The following TRIP10 variants were observed in gnomAD, a reference collection of about 807,000 sequenced individuals.
The protein encoded by TRIP10 is thyroid hormone receptor interactor 10.
TRIP10 carries 54 observed loss-of-function variants against 80.9 expected under a neutral mutation model. The ratio of observed to expected loss-of-function variants is 0.67; its 90% CI spans 0.54 to 0.84. TRIP10 has a LOEUF of 0.84. Ranked by LOEUF, TRIP10 falls within the 40% of genes least tolerant of loss-of-function variation. The probability of loss-of-function intolerance (pLI) is 0.00; values close to 1 mark genes in which losing one functional copy is unlikely to be tolerated. For missense variants in TRIP10, 773 were observed against 815.3 expected, an observed-to-expected ratio of 0.95 and a Z score of 0.63; for synonymous variants, 321 against 307.2, an observed-to-expected ratio of 1.04 and a Z score of -0.47.
chr19:6,741,201 C>A (rs757124398), intron 2 of TRIP10, 24 bp from the exon 3 acceptor site: 1 of 1,612,936 alleles, frequency 6.2e-7, no homozygotes, highest in East Asian at 2.2e-5. Context: ...CGGGCTCAGC[C>A]CTCCTACCTC....
chr19:6,750,706 C>CT, intron 14 of TRIP10, 73 bp downstream of exon 14: 1 of 1,586,640 alleles, frequency 6.3e-7, no homozygotes, highest in South Asian at 1.2e-5. Flanking sequence ...TTAAATTCGC[C>CT]TAAAGCAGGG....
In TRIP10 at chr19:6,743,195, A is replaced by ACTTCCAAG; in HGVS notation, c.348_355dup (p.Glu119AlafsTer43). 2 of 1,614,136 alleles carry ACTTCCAAG rather than the reference A, an allele frequency of 1.2e-6. No individual in the cohort carries two copies. ...GCCTTATCACTCTTCTTTCTGTAGC[A>ACTTCCAAG]CTTCCAAGAAGGGCGGCGGGCCCAG... On this transcript the variant is annotated frameshift_variant and splice_region_variant, in exon 5 of 15. Coordinates refer to ENST00000313244, the MANE Select transcript of TRIP10 (RefSeq NM_001288962.2). LOFTEE classifies it high-confidence loss of function.
rs1307855420 is a variant in TRIP10 at position 6,739,694 on chromosome 19, AGGGCGGCGGGCGGC to A, written c.-57_-44del. The stretch of plus-strand genomic sequence containing the variant: ...CGCCCTCGGCTGAGTCTCCCCGGGG[AGGGCGGCGGGCGGC>A]GGGCGGCGGGGACCGGGTGCGGTGG... On this transcript the variant is annotated 5_prime_UTR_variant, in exon 1 of 15. Coordinates refer to ENST00000313244, the MANE Select transcript of TRIP10 (RefSeq NM_001288962.2). The A allele has an allele frequency of 1.7e-5, 17 of 988,478 alleles. No homozygotes were observed. The highest frequency in any genetic ancestry group is 1.7e-4 in the South Asian group (4 of 23,712). 61.2% of individuals were successfully genotyped at this position (988,478 alleles called of 1,614,324 possible).
chr19:6,742,730 C>T (rs552325292), intron 3 of TRIP10, among the ~76,000 whole-genome samples: 9 of 147,788 alleles, frequency 6.1e-5, no homozygotes, highest in African/African-American at 2.0e-4. Context: ...TGCAGTGAGA[C>T]GCAATCATGC....
At position 6,746,400 on chromosome 19, in the gene TRIP10, C is replaced by G. The variant is rs1969134235; in HGVS notation, c.1153-52C>G. The stretch of plus-strand genomic sequence containing the variant: ...GAAATATCTCAGACGGGTGCAGAGT[C>G]TGGCAGGCTAGACTCCTTGATCCCA... On this transcript the variant is annotated intron_variant, in intron 10 of 14. Transcript: ENST00000313244. The surrounding 1 kb of genome is among the most constrained non-coding windows in gnomAD (Gnocchi z 6.2). The G allele has an allele frequency of 6.2e-7, 1 of 1,601,396 alleles. No homozygotes were observed. The highest frequency in any genetic ancestry group is 8.5e-7 in the Non-Finnish European group (1 of 1,169,606).
At position 6,745,821 on chromosome 19, in the gene TRIP10, A is replaced by G. The variant is rs1049862653; in HGVS notation, c.985-208A>G. On this transcript the variant is annotated intron_variant, in intron 9 of 14. Coordinates refer to ENST00000313244, the MANE Select transcript of TRIP10 (RefSeq NM_001288962.2). The surrounding 1 kb of genome is among the most constrained non-coding windows in gnomAD (Gnocchi z 7.2). ...CCAGATTTTTTTGTGTCGCTCCTGC[A>G]TGCGTTTTCTCTGTGTGGTTGTGCA... The G allele has an allele frequency of 1.0e-6, 1 of 985,068 alleles. No individual in the cohort carries two copies. Among genetic ancestry groups the G allele is most frequent in the Non-Finnish European group, 1.2e-6 (1 of 829,890 alleles). The allele number at this position is 985,068 out of a possible 1,614,324, so 61.0% of individuals were successfully genotyped here.
Position 6,746,304 on chromosome 19 carries a change from GTT to G in TRIP10, c.1152+109_1152+110del. On this transcript the variant is annotated intron_variant, in intron 10 of 14. Transcript: ENST00000313244. This position sits in a 1 kb window ranked among gnomAD's most constrained non-coding sequence, Gnocchi z 6.2. Reference sequence around the variant, plus strand: ...CCGCTGGCTGGGCCCCTCTTCCCTGGTTGCCCAACCCAGACCTGCTTTGCTCT... The same window carrying G: ...CCGCTGGCTGGGCCCCTCTTCCCTGGGCCCAACCCAGACCTGCTTTGCTCT... 1 of 1,492,480 alleles carries G rather than the reference GTT, an allele frequency of 6.7e-7. No homozygotes were observed. The highest frequency in any genetic ancestry group is 9.0e-7 in the Non-Finnish European group (1 of 1,114,216). The allele number at this position is 1,492,480 out of a possible 1,614,324, so 92.5% of individuals were successfully genotyped here.
rs565140415 is a variant in TRIP10, at chr19:6,749,455, A to G, written c.1263-479A>G. 3.7e-4 allele frequency among the ~76,000 whole-genome samples: 56 copies of G among 152,312 alleles called. 1 individual carries two copies. The Middle Eastern group carries it at 0.01, about 28-fold the overall frequency. On this transcript the variant is annotated intron_variant, in intron 11 of 14. Transcript: ENST00000313244. The stretch of plus-strand genomic sequence containing the variant: ...TTAAGCCAAGCTCACACAGCTAGGA[A>G]ATATTCAAACTGAGATTCGAACCCA...
At chr19:6,749,513 C>T (rs1969222198) in intron 11 of TRIP10, among the ~76,000 whole-genome samples, 1 of 152,158 alleles carries the variant, frequency 6.6e-6, no homozygotes, top group African/African-American at 2.4e-5. Flanking sequence ...CATCCTTAAC[C>T]ATTGTCCTGC....
At chr19:6,740,176 C>T (rs894466541) in intron 1 of TRIP10, among the ~76,000 whole-genome samples, 3 of 152,186 alleles carry the variant, frequency 2.0e-5, no homozygotes, top group Non-Finnish European at 4.4e-5. Context: ...ACCCTCTGGT[C>T]ACCCTCATCC....
Position 6,744,924 on chromosome 19 carries a change from A to G in TRIP10, c.914A>G (p.Asp305Gly). ...PSDSSLGTPS[D>G]GRPELRGPGR... ...GACAGCAGTCTGGGCACCCCCTCGG[A>G]TGGACGGCCTGAACTCCGAGGCCCG... Residue 305 changes from aspartate to glycine, a missense_variant, in exon 9 of 15, where the codon GAT becomes GGT. Transcript: ENST00000313244. The surrounding 1 kb of genome is among the most constrained non-coding windows in gnomAD (Gnocchi z 4.9). 6.2e-7 allele frequency: 1 copy of G among 1,614,144 alleles called. No individual in the cohort carries two copies. The highest frequency in any genetic ancestry group is 8.5e-7 in the Non-Finnish European group (1 of 1,180,024).
intron 14 of TRIP10, 46 bp from the exon 15 acceptor site, chr19:6,751,017 A>T: frequency 6.8e-7 from 1 of 1,465,322 alleles, no homozygotes; most frequent in Non-Finnish European, 9.0e-7. Flanking sequence ...AAAAATAATA[A>T]ATTTTGCCTA....
Position 6,746,939 on chromosome 19 carries a change from G to C in TRIP10, c.1262+378G>C, listed in dbSNP as rs909904546. Among the ~76,000 whole-genome samples, 1 of 152,188 alleles carries C rather than the reference G, an allele frequency of 6.6e-6. No homozygotes were observed. Among genetic ancestry groups the C allele is most frequent in the African/African-American group, 2.4e-5 (1 of 41,444 alleles). On this transcript the variant is annotated intron_variant, in intron 11 of 14. Transcript: ENST00000313244. This position sits in a 1 kb window ranked among gnomAD's most constrained non-coding sequence, Gnocchi z 6.2. ...ATTATAGGCATGAGCCACTGCCCGGGTCTGTAAATGAATGACATTTAAATG... is the reference window on the plus strand; with the variant it reads ...ATTATAGGCATGAGCCACTGCCCGGCTCTGTAAATGAATGACATTTAAATG...
At chr19:6,742,898 TC>T (rs1379363576) in intron 3 of TRIP10, 68 bp from the exon 4 acceptor site, 2 of 1,584,840 alleles carry the variant, frequency 1.3e-6, no homozygotes, top group South Asian at 1.2e-5. Flanking sequence ...TGGAGGTGCG[TC>T]CTGGGGCATC....
In TRIP10 at chr19:6,746,651, AT is replaced by A; in HGVS notation, c.1262+94del. ...ATTTGTTTATTATTTTATTTTATTT[AT>A]TTTATTATATTTTATTTTGTGACAG... On this transcript the variant is annotated intron_variant, in intron 11 of 14. Coordinates refer to ENST00000313244, the MANE Select transcript of TRIP10 (RefSeq NM_001288962.2). This position sits in a 1 kb window ranked among gnomAD's most constrained non-coding sequence, Gnocchi z 6.2. 1.2e-6 allele frequency: 1 copy of A among 848,444 alleles called. No homozygotes were observed. Among genetic ancestry groups the A allele is most frequent in the Non-Finnish European group, 1.6e-6 (1 of 621,672 alleles). The allele number at this position is 848,444 out of a possible 1,614,324, so 52.6% of individuals were successfully genotyped here. A position where few individuals can be genotyped will look rare whatever the true frequency, so the allele number is the denominator to read the frequency against.
At position 6,750,645 on chromosome 19, in the gene TRIP10, C is replaced by T; in HGVS notation, c.1657+12C>T. 6 of 1,613,620 alleles carry T rather than the reference C, an allele frequency of 3.7e-6. No individual in the cohort carries two copies. The highest frequency in any genetic ancestry group is 5.1e-6 in the Non-Finnish European group (6 of 1,179,740). ...CTACCACTTTGAAGGTGAGAACGGC[C>T]AGAGTGGGCTTGGCGGGGTATGGGA... On this transcript the variant is annotated intron_variant, in intron 14 of 14. Coordinates refer to ENST00000313244, the MANE Select transcript of TRIP10 (RefSeq NM_001288962.2).
chr19:6,746,073 G>C lies in TRIP10; in HGVS notation c.1029G>C (p.Ser343=). ...PLSPLGGPVP[S]ALPNGPPSPR... The stretch of plus-strand genomic sequence containing the variant: ...CCCCCCTGGGGGGCCCCGTACCCTC[G>C]GCATTGCCTAACGGACCCCCGTCCC... Residue 343 remains serine (S), a synonymous_variant, in exon 10 of 15, where the codon TCG becomes TCC. Coordinates refer to ENST00000313244, the MANE Select transcript of TRIP10 (RefSeq NM_001288962.2). This position sits in a 1 kb window ranked among gnomAD's most constrained non-coding sequence, Gnocchi z 6.2. 2 of 1,220,558 alleles carry C rather than the reference G, an allele frequency of 1.6e-6. No individual in the cohort carries two copies. Among genetic ancestry groups the C allele is most frequent in the Non-Finnish European group, 2.1e-6 (2 of 955,688 alleles). The allele number at this position is 1,220,558 out of a possible 1,614,324, so 75.6% of individuals were successfully genotyped here. A position where few individuals can be genotyped will look rare whatever the true frequency, so the allele number is the denominator to read the frequency against.
rs1028537621 is a variant in TRIP10 at position 6,751,530 on chromosome 19, A to C, written c.*319A>C. On this transcript the variant is annotated 3_prime_UTR_variant, in exon 15 of 15. Transcript: ENST00000313244. ...ATAAAGTTCCTAGAGTCGGTGTCTT[A>C]TTAGAGGATTTAAATACTGGGACTG... is the stretch of plus-strand genomic sequence containing the variant. The C allele has an allele frequency of 2.1e-6, 1 of 476,868 alleles. No individual in the cohort carries two copies. Among genetic ancestry groups the C allele is most frequent in the Non-Finnish European group, 3.4e-6 (1 of 296,816 alleles). The allele number at this position is 476,868 out of a possible 1,614,324, so 29.5% of individuals were successfully genotyped here. A position where few individuals can be genotyped will look rare whatever the true frequency, so the allele number is the denominator to read the frequency against.
chr19:6,744,484 C>T lies in TRIP10; in HGVS notation c.643-70C>T. 6.3e-7 allele frequency: 1 copy of T among 1,599,702 alleles called. No individual in the cohort carries two copies. The highest frequency in any genetic ancestry group is 8.5e-7 in the Non-Finnish European group (1 of 1,174,562). The stretch of plus-strand genomic sequence containing the variant: ...CCAGCGTGGAGCGCGATCATATTTG[C>T]AGAGTGAATCACTGTGCTTCTAGTC... On this transcript the variant is annotated intron_variant, in intron 7 of 14. Coordinates refer to ENST00000313244, the MANE Select transcript of TRIP10 (RefSeq NM_001288962.2). This position sits in a 1 kb window ranked among gnomAD's most constrained non-coding sequence, Gnocchi z 4.9.
Sources: gnomAD v4.1 joint callset for allele counts (sites outside exome capture counted in the v4.1 genomes callset) on GRCh38, gnomAD v4.1.1 for gene constraint, Gnocchi (gnomAD v3.1) non-coding constraint, MANE v1.5 for transcripts, NCBI Gene and HGNC (gene_info 2026-07-23, HGNC 2026-07-21) for gene names.